Variants in KALRN observed in about 807,000 individuals in gnomAD.
The protein encoded by KALRN is kalirin.
KALRN carries 70 observed loss-of-function variants against 353.7 expected under a neutral mutation model. The observed-to-expected ratio is 0.20, with a 90% confidence interval of 0.16 to 0.24. The LOEUF is 0.24. KALRN is among the 10% of genes least tolerant of loss of function. The probability of loss-of-function intolerance (pLI) is 1.00; values close to 1 mark genes in which losing one functional copy is unlikely to be tolerated. For missense variants in KALRN, 2,791 were observed against 3,756.7 expected, an observed-to-expected ratio of 0.74 and a Z score of 6.72; for synonymous variants, 1,391 against 1,434.8, an observed-to-expected ratio of 0.97 and a Z score of 0.69.
At chr3:124,370,601 G>T (rs2149791240) in intron 10 of KALRN, among the ~76,000 whole-genome samples, 1 of 152,292 alleles carries the variant, frequency 6.6e-6, no homozygotes, top group Admixed American at 6.5e-5. Context: ...GGTAGCCATT[G>T]CTTTGATTGT....
chr3:124,563,104 C>T lies in KALRN; in HGVS notation c.5182+15C>T, dbSNP rs143429804. 25 of 1,363,496 alleles carry T rather than the reference C, an allele frequency of 1.8e-5. No individual in the cohort carries two copies. The highest frequency in any genetic ancestry group is 2.3e-5 in the Non-Finnish European group (23 of 1,019,268). 84.5% of individuals were successfully genotyped at this position (1,363,496 alleles called of 1,614,324 possible). ...CTTGGTGAAAGGTAGGAGAACAGAG[C>T]GGGTGGGAGGCACAGACCAAGGAGG... On this transcript the variant is annotated intron_variant, in intron 34 of 59. Transcript: ENST00000682506.
At chr3:124,604,437 A>G (rs2077116909) in intron 34 of KALRN, among the ~76,000 whole-genome samples, 1 of 152,176 alleles carries the variant, frequency 6.6e-6, no homozygotes, top group Non-Finnish European at 1.5e-5. Flanking sequence ...TTGTTTCTTT[A>G]TAACCTTGTG....
At chr3:124,240,527 C>A (rs967543454) in intron 3 of KALRN, among the ~76,000 whole-genome samples, 1 of 152,082 alleles carries the variant, frequency 6.6e-6, no homozygotes, top group African/African-American at 2.4e-5. Context: ...GGAACTGTGG[C>A]CTTCAGTGGA....
At chr3:124,261,870 T>C (rs1267065968) in intron 3 of KALRN, among the ~76,000 whole-genome samples, 1 of 152,168 alleles carries the variant, frequency 6.6e-6, no homozygotes, top group South Asian at 2.1e-4. Flanking sequence ...AACTAAATGA[T>C]GCTCAGTGAG....
chr3:124,273,881 C>T (rs2074427487), intron 5 of KALRN, among the ~76,000 whole-genome samples: 1 of 152,228 alleles, frequency 6.6e-6, no homozygotes, highest in Non-Finnish European at 1.5e-5. Flanking sequence ...CAAGCCAGGT[C>T]ACCACTCATT....
At chr3:124,245,012 C>G (rs1376518817) in intron 3 of KALRN, among the ~76,000 whole-genome samples, 1 of 147,454 alleles carries the variant, frequency 6.8e-6, no homozygotes, top group East Asian at 1.9e-4. Context: ...CAAATCTTCT[C>G]TTATAGCTAT....
intron 10 of KALRN, among the ~76,000 whole-genome samples, chr3:124,350,115 A>T (rs2082691835): frequency 6.6e-6 from 1 of 152,168 alleles, no homozygotes; most frequent in Non-Finnish European, 1.5e-5. Context: ...AGGCAATGCC[A>T]ACCTTGGTTA....
intron 2 of KALRN, among the ~76,000 whole-genome samples, chr3:124,229,237 G>A (rs889139715): frequency 6.6e-6 from 1 of 152,138 alleles, no homozygotes; most frequent in Non-Finnish European, 1.5e-5. Flanking sequence ...GAAAAAGTCC[G>A]GTGACCCCTG....
intron 41 of KALRN, 118 bp from the exon 42 acceptor site, chr3:124,658,313 G>GGTGCGTCCCCAAGTGCGCCTTT (rs1559786254): frequency 1.3e-6 from 1 of 768,714 alleles, no homozygotes; most frequent in African/African-American, 1.7e-5. Flanking sequence ...CAGCTGCCTT[G>GGTGCGTCCCCAAGTGCGCCTTT]GTGCGTCCCC....
chr3:124,257,660 C>T (rs1299410661), intron 3 of KALRN, among the ~76,000 whole-genome samples: 1 of 152,112 alleles, frequency 6.6e-6, no homozygotes, highest in Non-Finnish European at 1.5e-5. Context: ...GAGAACCTGG[C>T]CAAGGGGGCC....
Position 124,667,200 on chromosome 3 carries a change from G to A in KALRN, c.6703+17G>A. On this transcript the variant is annotated intron_variant, in intron 47 of 59. Transcript: ENST00000682506. The stretch of plus-strand genomic sequence containing the variant: ...TTTTGAATGGTGGGTGCTGGGCTTG[G>A]TTCCTTGCAGGGCTGTGTCAGGGGA... 6.2e-7 allele frequency: 1 copy of A among 1,609,722 alleles called. No homozygotes were observed. The highest frequency in any genetic ancestry group is 8.5e-7 in the Non-Finnish European group (1 of 1,177,138).
At chr3:124,651,893 C>T (rs1224184010) in intron 38 of KALRN, among the ~76,000 whole-genome samples, 1 of 152,146 alleles carries the variant, frequency 6.6e-6, no homozygotes, top group Non-Finnish European at 1.5e-5. Flanking sequence ...CTGTCTCAGC[C>T]TCCCAAAGTG....
intron 6 of KALRN, among the ~76,000 whole-genome samples, chr3:124,325,633 C>T (rs1034230044): frequency 2.0e-5 from 3 of 152,152 alleles, no homozygotes; most frequent in Admixed American, 6.5e-5. Context: ...CCATCACTTC[C>T]AAAGAACGCT....
At chr3:124,358,369 T>C (rs1229629289) in intron 10 of KALRN, among the ~76,000 whole-genome samples, 1 of 152,216 alleles carries the variant, frequency 6.6e-6, no homozygotes, top group Non-Finnish European at 1.5e-5. Context: ...CTCCGTTAGC[T>C]GAAATGGAAG....
rs776142699 is a variant in KALRN, at chr3:124,422,974, A to G, written c.2705A>G (p.Lys902Arg). The G allele has an allele frequency of 1.4e-5, 23 of 1,613,428 alleles. No homozygotes were observed. Among genetic ancestry groups the G allele is most frequent in the Non-Finnish European group, 1.7e-5 (20 of 1,179,634 alleles). Residue 902 changes from lysine to arginine, a missense_variant, in exon 15 of 60, where the codon AAA becomes AGA. Lys to Arg is a conservative substitution (Grantham distance 26, BLOSUM62 2). This residue lies in a region of KALRN where 452 missense variants were observed against 575.8 expected (regional missense o/e 0.78). Transcript: ENST00000682506. Reference protein sequence around the residue: ...LQLRHLQAEVKQVLGWIRNGE... With the variant: ...LQLRHLQAEVRQVLGWIRNGE... ...TTACGTCACCTCCAGGCTGAAGTCA[A>G]ACAGGTAAGCCCAGCCCTTCTTCCT...
intron 34 of KALRN, among the ~76,000 whole-genome samples, chr3:124,591,297 C>T (rs2075747604): frequency 2.0e-5 from 3 of 152,030 alleles, no homozygotes. Context: ...CCTTTTTTGT[C>T]CTTGTTCTTT....
chr3:124,675,436 C>A (rs945212166), intron 49 of KALRN: 2 of 151,460 alleles, frequency 1.3e-5, no homozygotes, highest in Admixed American at 6.6e-5. Flanking sequence ...AAGTTAAAGA[C>A]TAGTTGACCC....
chr3:124,679,559 C>T, intron 51 of KALRN, 42 bp downstream of exon 51: 2 of 1,522,432 alleles, frequency 1.3e-6, no homozygotes, highest in Non-Finnish European at 1.8e-6. Flanking sequence ...CAATGATTGC[C>T]TTTTTTGATG....
At chr3:124,446,036 T>C (rs1443721445) in intron 19 of KALRN, 125 bp from the exon 20 acceptor site, 2 of 598,396 alleles carry the variant, frequency 3.3e-6, no homozygotes, top group Admixed American at 3.0e-5. Flanking sequence ...TGATGCTGGA[T>C]TAGTCTCATG....
Sources: allele counts gnomAD v4.1 joint callset (sites outside exome capture counted in the v4.1 genomes callset), GRCh38; gene constraint gnomAD v4.1.1; regional missense constraint gnomAD v4.1.1; transcripts MANE v1.5; gene names NCBI Gene and HGNC (gene_info 2026-07-23, HGNC 2026-07-21).